Variants in ESRRG observed in about 807,000 individuals in gnomAD.
ESRRG encodes estrogen-related receptor gamma.
Under a neutral mutation model 44.0 loss-of-function variants are expected in ESRRG, and 13 were observed. The observed-to-expected ratio is 0.30, with a 90% CI of 0.19 to 0.47. The LOEUF is 0.47. Among genes scored for constraint, ESRRG ranks in the 20% least tolerant of loss-of-function variants. ESRRG has a pLI of 1.00. For missense variants in ESRRG, 395 were observed against 580.6 expected (o/e 0.68, Z 3.29); for synonymous variants, 215 against 214.6 (o/e 1.00, Z -0.02).
chr1:216,736,176 A>ATTTTT (rs34469625), intron 2 of ESRRG, among the ~76,000 whole-genome samples: 12 of 82,690 alleles, frequency 1.5e-4, no homozygotes, highest in African/African-American at 4.5e-4. Flanking sequence ...GTTAAGGACT[A>ATTTTT]TTTTTTTTTT....
At chr1:216,766,393 C>T (rs910452379) in intron 2 of ESRRG, among the ~76,000 whole-genome samples, 1 of 151,992 alleles carries the variant, frequency 6.6e-6, no homozygotes, top group African/African-American at 2.4e-5. Context: ...TCATCCCTGA[C>T]TTTTCCTTGA....
chr1:216,913,114 A>C (rs1346679664), intron 2 of ESRRG, among the ~76,000 whole-genome samples: 11 of 144,418 alleles, frequency 7.6e-5, no homozygotes, highest in African/African-American at 3.0e-4. Flanking sequence ...TCTGTCTCAA[A>C]AAAAAAAAAA....
At chr1:216,906,868 C>T (rs550686751) in intron 2 of ESRRG, among the ~76,000 whole-genome samples, 1 of 152,226 alleles carries the variant, frequency 6.6e-6, no homozygotes, top group African/African-American at 2.4e-5. Context: ...GATCATGTTT[C>T]TAAAACAAGA....
chr1:216,508,749 C>G (rs1211934582), intron 6 of ESRRG, among the ~76,000 whole-genome samples: 4 of 152,138 alleles, frequency 2.6e-5, no homozygotes, highest in Non-Finnish European at 4.4e-5. Flanking sequence ...GCAACATGAT[C>G]TGATATTCTT....
intron 1 of ESRRG, among the ~76,000 whole-genome samples, chr1:217,046,107 G>A (rs1308808347): frequency 1.3e-5 from 2 of 150,886 alleles, no homozygotes; most frequent in African/African-American, 2.4e-5. Flanking sequence ...AAGGCATGTC[G>A]CCAATAAAAG....
At chr1:216,788,028 G>T (rs1424034492) in intron 2 of ESRRG, among the ~76,000 whole-genome samples, 2 of 152,108 alleles carry the variant, frequency 1.3e-5, no homozygotes, top group Admixed American at 6.6e-5. Flanking sequence ...GGGCTATCAC[G>T]CATTGGTTCA....
At chr1:217,024,841 T>C (rs1183125650) in intron 1 of ESRRG, among the ~76,000 whole-genome samples, 1 of 152,184 alleles carries the variant, frequency 6.6e-6, no homozygotes, top group African/African-American at 2.4e-5. Flanking sequence ...CGTTTTATTA[T>C]AGATGAGCAA....
intron 5 of ESRRG, among the ~76,000 whole-genome samples, chr1:216,534,463 T>C (rs2050301679): frequency 6.6e-6 from 1 of 152,142 alleles, no homozygotes; most frequent in Admixed American, 6.6e-5. Context: ...ACAAATTCGA[T>C]TATAGCTCAT....
At chr1:217,027,176 A>G (rs2081352518) in intron 1 of ESRRG, among the ~76,000 whole-genome samples, 1 of 152,144 alleles carries the variant, frequency 6.6e-6, no homozygotes, top group Non-Finnish European at 1.5e-5. Flanking sequence ...TGTCCCCAAG[A>G]ACAACTTCCT....
chr1:216,993,374 T>C (rs2818767), intron 1 of ESRRG, among the ~76,000 whole-genome samples: 130,467 of 152,214 alleles, frequency 0.86, 56,109 homozygotes, highest in East Asian at 1. Context: ...TTCACTTGCC[T>C]ATTTTCAGGA....
chr1:216,642,111 T>G (rs900897620), intron 3 of ESRRG, among the ~76,000 whole-genome samples: 1 of 152,098 alleles, frequency 6.6e-6, no homozygotes, highest in African/African-American at 2.4e-5. Context: ...CTACATTAAA[T>G]AAATGTACAG....
chr1:216,950,719 T>G (rs746892237), intron 1 of ESRRG, among the ~76,000 whole-genome samples: 1 of 152,232 alleles, frequency 6.6e-6, no homozygotes, highest in Non-Finnish European at 1.5e-5. Context: ...GATTATCTAT[T>G]TGTGACATAG....
intron 5 of ESRRG, among the ~76,000 whole-genome samples, chr1:216,546,965 C>A (rs1283287462): frequency 6.6e-6 from 1 of 151,834 alleles, no homozygotes; most frequent in Non-Finnish European, 1.5e-5. Flanking sequence ...AGCCCCCCAT[C>A]CCCTGACAGG....
At chr1:216,624,893 C>T (rs544060027) in intron 3 of ESRRG, among the ~76,000 whole-genome samples, 2 of 152,300 alleles carry the variant, frequency 1.3e-5, no homozygotes, top group South Asian at 4.1e-4. Context: ...TATTTCTTCT[C>T]ATCCGAGTTT....
Position 216,691,865 on chromosome 1 carries a change from G to A in ESRRG, c.57-14374C>T, listed in dbSNP as rs994254421. ...AGGTCACAAATACGACACTGGTCCT[G>A]TAAAATTATAATGGAGCTGAAAAAT... On this transcript the variant is annotated intron_variant, in intron 1 of 6. Coordinates refer to ENST00000408911, the MANE Select transcript of ESRRG (RefSeq NM_001438.4). Among the ~76,000 whole-genome samples the A allele has an allele frequency of 1.3e-5, 2 of 152,158 alleles. 1 individual carries two copies. Among genetic ancestry groups the A allele is most frequent in the Admixed American group, 1.3e-4 (2 of 15,274 alleles).
At chr1:216,718,224 A>G (rs2085330629) in intron 1 of ESRRG, among the ~76,000 whole-genome samples, 1 of 151,886 alleles carries the variant, frequency 6.6e-6, no homozygotes, top group South Asian at 2.1e-4. Flanking sequence ...ACTGATTAGA[A>G]TAATACTTGA....
intron 3 of ESRRG, among the ~76,000 whole-genome samples, chr1:216,599,831 A>T (rs547442074): frequency 6.6e-6 from 1 of 152,002 alleles, no homozygotes; most frequent in African/African-American, 2.4e-5. Flanking sequence ...AGGAAAAAAA[A>T]AAAAAGAAAG....
rs765610669 is a variant in ESRRG, at chr1:216,677,131, G to A, written c.417C>T (p.His139=). 49 of 1,613,990 alleles carry A rather than the reference G, an allele frequency of 3.0e-5. No individual in the cohort carries two copies. The highest frequency in any genetic ancestry group is 3.4e-6 in the Non-Finnish European group (4 of 1,179,966). The part of the protein sequence containing the change: ...LVCGDIASGY[H]YGVASCEACK... ...AGGCTTCACATGATGCTACCCCATAGTGGTACCCAGAAGCGATGTCACCAC... is the reference window on the plus strand; with the variant it reads ...AGGCTTCACATGATGCTACCCCATAATGGTACCCAGAAGCGATGTCACCAC... The change falls in exon 2 of 7, where the codon CAC becomes CAT. Residue 139 remains histidine (H), a synonymous_variant. Transcript: ENST00000408911.
intron 2 of ESRRG, among the ~76,000 whole-genome samples, chr1:216,819,771 C>T (rs1294541325): frequency 6.6e-6 from 1 of 152,034 alleles, no homozygotes; most frequent in Non-Finnish European, 1.5e-5. Context: ...TATTAATAAT[C>T]CTAAGCAGAG....
Sources: allele counts gnomAD v4.1 joint callset (sites outside exome capture counted in the v4.1 genomes callset), GRCh38; gene constraint gnomAD v4.1.1; transcripts MANE v1.5; gene names NCBI Gene and HGNC (gene_info 2026-07-23, HGNC 2026-07-21).